The following SPECC1 variants were observed in gnomAD, a reference collection of about 807,000 sequenced individuals.
The protein encoded by SPECC1 is sperm antigen with calponin homology and coiled-coil domains 1.
In SPECC1, 62 loss-of-function variants were observed where a neutral mutation model predicts 104.1. The ratio of observed to expected loss-of-function variants is 0.60; its 90% confidence interval spans 0.49 to 0.74. SPECC1 has a LOEUF of 0.74. SPECC1 is among the 30% of genes least tolerant of loss of function. SPECC1 has a pLI of 0.00. For synonymous variants in SPECC1, 513 were observed against 501.6 expected, an observed-to-expected ratio of 1.02 and a Z score of -0.30; for missense variants, 1,306 against 1,310.5, an observed-to-expected ratio of 1.00 and a Z score of 0.05.
Position 20,113,475 on chromosome 17 carries a change from G to T in SPECC1, c.283+2913G>T, listed in dbSNP as rs1214556751. 3.3e-5 allele frequency among the ~76,000 whole-genome samples: 5 copies of T among 152,112 alleles called. No individual in the cohort carries two copies. In the East Asian group the frequency reaches 9.6e-4, roughly 29 times the overall value. ...TTGTTCAGGTTTATAAATAGCTTTA[G>T]TGATGCCTCCTTCTTTAAATACTTG... is the stretch of plus-strand genomic sequence containing the variant. On this transcript the variant is annotated intron_variant, in intron 3 of 14. Transcript: ENST00000395527.
intron 3 of SPECC1, among the ~76,000 whole-genome samples, chr17:20,166,188 A>G (rs994944695): frequency 3.3e-5 from 5 of 152,258 alleles, no homozygotes; most frequent in Admixed American, 1.3e-4. Context: ...TAGCAGTTAC[A>G]AAGTCCACTC....
At chr17:20,229,279 G>A (rs566321314) in intron 5 of SPECC1, among the ~76,000 whole-genome samples, 7 of 152,280 alleles carry the variant, frequency 4.6e-5, no homozygotes, top group Admixed American at 1.3e-4. Flanking sequence ...AGGTTGAGAC[G>A]CACCTACAGA....
intron 7 of SPECC1, among the ~76,000 whole-genome samples, chr17:20,245,628 G>T (rs2039389364): frequency 6.6e-6 from 1 of 152,104 alleles, no homozygotes; most frequent in African/African-American, 2.4e-5. Context: ...CACAAAAAAT[G>T]CACAATTTGC....
intron 3 of SPECC1, among the ~76,000 whole-genome samples, chr17:20,151,620 G>C (rs1166031303): frequency 6.6e-6 from 1 of 152,126 alleles, no homozygotes; most frequent in East Asian, 1.9e-4. Context: ...TCACTTCCGC[G>C]TGTTGCTTGA....
At chr17:20,279,266 T>C (rs895619322) in intron 12 of SPECC1, among the ~76,000 whole-genome samples, 2 of 152,182 alleles carry the variant, frequency 1.3e-5, no homozygotes, top group African/African-American at 4.8e-5. Flanking sequence ...ATTCAGTCTT[T>C]CTGAGGGTAG....
intron 3 of SPECC1, among the ~76,000 whole-genome samples, chr17:20,202,987 A>G (rs1490823702): frequency 6.6e-6 from 1 of 152,184 alleles, no homozygotes; most frequent in Non-Finnish European, 1.5e-5. Context: ...GAATGCCATC[A>G]GCCTTTATGT....
chr17:20,305,901 C>A, intron 13 of SPECC1, 122 bp from the exon 14 acceptor site: 1 of 794,396 alleles, frequency 1.3e-6, no homozygotes, highest in Non-Finnish European at 1.9e-6. Flanking sequence ...GTACACTTGA[C>A]TTACTATTCT....
chr17:20,100,658 A>G (rs9889684), intron 2 of SPECC1, among the ~76,000 whole-genome samples: 1 of 152,070 alleles, frequency 6.6e-6, no homozygotes, highest in Non-Finnish European at 1.5e-5. Context: ...TTATTTTTTT[A>G]AAATTTTACT....
At chr17:20,111,655 G>T (rs2048497691) in intron 3 of SPECC1, among the ~76,000 whole-genome samples, 1 of 152,186 alleles carries the variant, frequency 6.6e-6, no homozygotes. Context: ...CGAGTCCCGG[G>T]TGTGGGACAA....
At chr17:20,060,216 C>T (rs1421172344) in intron 1 of SPECC1, among the ~76,000 whole-genome samples, 3 of 152,102 alleles carry the variant, frequency 2.0e-5, no homozygotes, top group Non-Finnish European at 4.4e-5. Flanking sequence ...TAATGAAGTG[C>T]ATCAGTTTTG....
intron 3 of SPECC1, among the ~76,000 whole-genome samples, chr17:20,174,879 A>G (rs989644159): frequency 6.6e-6 from 1 of 151,494 alleles, no homozygotes; most frequent in Non-Finnish European, 1.5e-5. Context: ...ACCTCATTTG[A>G]CCAAGCCCTC....
chr17:20,091,349 C>T (rs185484413), intron 1 of SPECC1, among the ~76,000 whole-genome samples: 21 of 152,272 alleles, frequency 1.4e-4, no homozygotes, highest in African/African-American at 4.6e-4. Flanking sequence ...GGTGGTGAGG[C>T]TAAGCAGATA....
chr17:20,262,707 G>T (rs1178264774), intron 12 of SPECC1, among the ~76,000 whole-genome samples: 1 of 152,116 alleles, frequency 6.6e-6, no homozygotes, highest in Non-Finnish European at 1.5e-5. Flanking sequence ...GATGGAAAAT[G>T]AAAGAAGCTA....
intron 12 of SPECC1, among the ~76,000 whole-genome samples, chr17:20,292,764 G>A (rs764597381): frequency 3.3e-5 from 5 of 152,196 alleles, no homozygotes; most frequent in African/African-American, 7.2e-5. Context: ...CCAACAAAAG[G>A]CATCCTCAGG....
intron 3 of SPECC1, among the ~76,000 whole-genome samples, chr17:20,147,081 A>AT (rs71157859): frequency 0.12 from 15,095 of 125,674 alleles, 1,097 homozygotes; most frequent in Non-Finnish European, 0.14. Flanking sequence ...ATGGATCGTG[A>AT]TTTTTTTTTT....
rs1367414922 is a variant in SPECC1, at chr17:20,070,572, T to A, written c.-21-26059T>A. On this transcript the variant is annotated intron_variant, in intron 1 of 14. Transcript: ENST00000395527. Reference sequence around the variant, plus strand: ...TTATCTATATGACATCTATTATCACTTTTAATGGCTGCATAAGGCTTAATT... The same window carrying A: ...TTATCTATATGACATCTATTATCACATTTAATGGCTGCATAAGGCTTAATT... 1.1e-4 allele frequency among the ~76,000 whole-genome samples: 16 copies of A among 152,200 alleles called. 1 individual carries two copies. Among genetic ancestry groups the A allele is most frequent in the Admixed American group, 1.0e-3 (16 of 15,286 alleles).
At chr17:20,069,168 A>G (rs1172963749) in intron 1 of SPECC1, among the ~76,000 whole-genome samples, 1 of 152,228 alleles carries the variant, frequency 6.6e-6, no homozygotes, top group African/African-American at 2.4e-5. Flanking sequence ...AGTTCTCATC[A>G]TTTAGCTCTC....
At position 20,112,717 on chromosome 17, in the gene SPECC1, C is replaced by A. The variant is rs185628871; in HGVS notation, c.283+2155C>A. 2,959 of 1,162,058 alleles carry A rather than the reference C, an allele frequency of 2.5e-3. 10 individuals are homozygous for A. The highest frequency in any genetic ancestry group is 3.7e-3 in the Non-Finnish European group (2,839 of 769,192). 72.0% of individuals were successfully genotyped at this position (1,162,058 alleles called of 1,614,324 possible). A position where few individuals can be genotyped will look rare whatever the true frequency, so the allele number is the denominator to read the frequency against. ...AACTGTGTAATTTTGAGGATCCTTC[C>A]GGTCTTAAAGCCAATTTAGAAGGTG... On this transcript the variant is annotated intron_variant, in intron 3 of 14. Transcript: ENST00000395527.
chr17:20,282,418 T>G (rs180929376), intron 12 of SPECC1, among the ~76,000 whole-genome samples: 31 of 152,306 alleles, frequency 2.0e-4, no homozygotes, highest in Non-Finnish European at 4.3e-4. Context: ...GTGCTTTCAG[T>G]GTGGATAAAA....
Sources: allele counts gnomAD v4.1 joint callset (sites outside exome capture counted in the v4.1 genomes callset), GRCh38; gene constraint gnomAD v4.1.1; transcripts MANE v1.5; gene names NCBI Gene and HGNC (gene_info 2026-07-23, HGNC 2026-07-21).